Variants in RTTN observed in about 807,000 individuals in gnomAD.
The protein encoded by RTTN is rotatin.
A neutral mutation model predicts 269.2 loss-of-function variants in RTTN; 182 were observed. The ratio of observed to expected loss-of-function variants is 0.68; its 90% CI spans 0.60 to 0.76. The LOEUF is 0.76. Among genes scored for constraint, RTTN ranks in the 30% least tolerant of loss-of-function variants. The pLI is 0.00. For synonymous variants in RTTN, 1,006 were observed against 963.5 expected (o/e 1.04, Z -0.82); for missense variants, 2,545 against 2,608.6 (o/e 0.98, Z 0.53).
At chr18:70,027,143 C>T (rs1490940290) in intron 43 of RTTN, among the ~76,000 whole-genome samples, 3 of 152,296 alleles carry the variant, frequency 2.0e-5, no homozygotes, top group East Asian at 3.9e-4. Context: ...ACAGTCCCCT[C>T]CGTCTAACCT....
intron 14 of RTTN, among the ~76,000 whole-genome samples, chr18:70,162,035 T>C (rs1041922705): frequency 2.6e-5 from 4 of 152,118 alleles, no homozygotes; most frequent in Non-Finnish European, 5.9e-5. Flanking sequence ...TATAAATCTT[T>C]CTACCAGAAA....
chr18:70,043,294 G>C (rs1275515620), intron 40 of RTTN, among the ~76,000 whole-genome samples: 1 of 152,178 alleles, frequency 6.6e-6, no homozygotes, highest in Non-Finnish European at 1.5e-5. Flanking sequence ...AGAAAAGAAA[G>C]TTAAACACTC....
Position 70,070,776 on chromosome 18 carries a change from C to T in RTTN, c.4653+3130G>A, listed in dbSNP as rs181898624. Among the ~76,000 whole-genome samples, 4 of 152,276 alleles carry T rather than the reference C, an allele frequency of 2.6e-5. No individual in the cohort carries two copies. The East Asian group carries it at 7.7e-4, about 29-fold the overall frequency. On this transcript the variant is annotated intron_variant, in intron 34 of 48. Coordinates refer to ENST00000640769, the MANE Select transcript of RTTN (RefSeq NM_173630.4). ...TCTTGCATTTTCTGAATGTTAATGC[C>T]TTCAGTACAACACAACTTCATATTT... is the stretch of plus-strand genomic sequence containing the variant.
At chr18:70,118,659 G>A (rs577816298) in intron 26 of RTTN, among the ~76,000 whole-genome samples, 2 of 152,224 alleles carry the variant, frequency 1.3e-5, no homozygotes, top group African/African-American at 2.4e-5. Context: ...TAATATCCCT[G>A]ATAAACACAG....
chr18:70,184,438 C>T (rs2061487169), intron 10 of RTTN, among the ~76,000 whole-genome samples: 1 of 152,116 alleles, frequency 6.6e-6, no homozygotes, highest in Non-Finnish European at 1.5e-5. Flanking sequence ...ATCTCAGCTA[C>T]TTGGGAGGCT....
intron 40 of RTTN, among the ~76,000 whole-genome samples, chr18:70,034,015 T>C (rs914256160): frequency 1.3e-5 from 2 of 152,114 alleles, no homozygotes; most frequent in African/African-American, 4.8e-5. Context: ...AGGAAGAAAC[T>C]GAATCCCTGA....
chr18:70,163,809 T>C (rs2060911343), intron 14 of RTTN, among the ~76,000 whole-genome samples: 1 of 152,204 alleles, frequency 6.6e-6, no homozygotes, highest in Non-Finnish European at 1.5e-5. Flanking sequence ...AAGTGTCAGA[T>C]TGTGGAGCCT....
At chr18:70,126,558 C>T (rs758895150) in intron 25 of RTTN, among the ~76,000 whole-genome samples, 38 of 152,104 alleles carry the variant, frequency 2.5e-4, no homozygotes, top group Non-Finnish European at 4.9e-4. Context: ...CCCTGTAGTG[C>T]ATATGTATGC....
At chr18:70,197,126 G>A (rs950470255) in intron 6 of RTTN, among the ~76,000 whole-genome samples, 4 of 152,044 alleles carry the variant, frequency 2.6e-5, no homozygotes, top group African/African-American at 7.3e-5. Context: ...AGTGTGGAGC[G>A]AGAATGCTGA....
rs961505327 is a variant in RTTN, at chr18:70,163,413, C to T, written c.1929+2649G>A. On this transcript the variant is annotated intron_variant, in intron 14 of 48. Transcript: ENST00000640769. ...AAAAAAATCCAGATAAAAAGTATTG[C>T]CAAGGATGAAGAGAAACTGGAATCC... Among the ~76,000 whole-genome samples the T allele has an allele frequency of 2.0e-5, 3 of 151,792 alleles. No homozygotes were observed. In the South Asian group the frequency reaches 6.2e-4, roughly 32 times the overall value.
chr18:70,114,551 G>C lies in RTTN; in HGVS notation c.3577C>G (p.Arg1193Gly). 6.2e-7 allele frequency: 1 copy of C among 1,613,550 alleles called. No homozygotes were observed. ...GTCCGGATATCATCTGTTTCTTCTC[G>C]TGCCTGTGACTCTGTCAGAACCAAG... ...DLLVLTESQA[R>G]EETDDIRTAV... The change falls in exon 27 of 49, where the codon CGA becomes GGA. Residue 1193 changes from arginine to glycine, a missense_variant. By Grantham distance (125) the Arg-to-Gly change is moderately radical (BLOSUM62 -2). Coordinates refer to ENST00000640769, the MANE Select transcript of RTTN (RefSeq NM_173630.4).
intron 4 of RTTN, among the ~76,000 whole-genome samples, chr18:70,200,350 A>G (rs2061916638): frequency 6.6e-6 from 1 of 152,214 alleles, no homozygotes; most frequent in African/African-American, 2.4e-5. Context: ...TGTCCAAAAT[A>G]AGCCAGACCC....
At chr18:70,017,723 T>C (rs2056583607) in intron 45 of RTTN, 49 bp from the exon 46 acceptor site, 1 of 1,498,738 alleles carries the variant, frequency 6.7e-7, no homozygotes, top group South Asian at 1.3e-5. Context: ...TTTTTCATTA[T>C]TTTCCTAGTC....
At chr18:70,144,317 C>G (rs539236271) in intron 18 of RTTN, among the ~76,000 whole-genome samples, 1 of 152,306 alleles carries the variant, frequency 6.6e-6, no homozygotes, top group African/African-American at 2.4e-5. Flanking sequence ...TTCCCTGTTG[C>G]TCCCAGAAGC....
At chr18:70,004,289 ATACTT>A (rs1377697831) in intron 48 of RTTN, 53 bp from the exon 49 acceptor site, 24 of 1,278,864 alleles carry the variant, frequency 1.9e-5, no homozygotes, top group East Asian at 9.3e-5. Flanking sequence ...ACTTGGTACT[ATACTT>A]AGGAGGCACA....
rs12607032 is a variant in RTTN, at chr18:70,150,830, T to C, written c.1930-97A>G. The C allele has an allele frequency of 0.92, 904,199 of 987,606 alleles. 420,117 individuals carry two copies. Among genetic ancestry groups the C allele is most frequent in the East Asian group, 1 (36,283 of 36,312 alleles). 61.2% of individuals were successfully genotyped at this position (987,606 alleles called of 1,614,324 possible). On this transcript the variant is annotated intron_variant, in intron 14 of 48. Transcript: ENST00000640769. ...GTTTACAATCCCATTTCTATTTTAGTTTTTACTTCATTGAAACTTTTTTTA... is the reference window on the plus strand; with the variant it reads ...GTTTACAATCCCATTTCTATTTTAGCTTTTACTTCATTGAAACTTTTTTTA...
intron 40 of RTTN, among the ~76,000 whole-genome samples, 181 bp downstream of exon 40, chr18:70,047,790 G>A (rs2057533343): frequency 6.6e-6 from 1 of 152,158 alleles, no homozygotes; most frequent in Admixed American, 6.5e-5. Flanking sequence ...ACATAAGCGG[G>A]TGGGGCTAAG....
intron 17 of RTTN, among the ~76,000 whole-genome samples, chr18:70,148,552 G>T (rs2060454827): frequency 6.6e-6 from 1 of 152,138 alleles, no homozygotes; most frequent in Non-Finnish European, 1.5e-5. Context: ...GATCACTCTG[G>T]AAGGCTAACA....
chr18:70,061,262 T>C (rs2057976199), intron 35 of RTTN: 3 of 441,696 alleles, frequency 6.8e-6, no homozygotes, highest in Non-Finnish European at 1.4e-5. Flanking sequence ...ATAAGGTACC[T>C]GCACCCTACA....
Sources: allele counts gnomAD v4.1 joint callset (sites outside exome capture counted in the v4.1 genomes callset), GRCh38; gene constraint gnomAD v4.1.1; transcripts MANE v1.5; gene names NCBI Gene and HGNC (gene_info 2026-07-23, HGNC 2026-07-21).